SEC63: variants seen among roughly 807,000 people sequenced by gnomAD.
SEC63 encodes the protein translocation protein SEC63 homolog.
SEC63 carries 56 observed loss-of-function variants against 116.2 expected under a neutral mutation model. The ratio of observed to expected loss-of-function variants is 0.48; its 90% CI spans 0.39 to 0.60. The LOEUF (loss-of-function observed/expected upper bound fraction) is 0.60, where lower values mean the gene tolerates loss of function less well. Among genes scored for constraint, SEC63 ranks in the 20% least tolerant of loss-of-function variants. The pLI is 0.00. For synonymous variants in SEC63, 273 were observed against 294.6 expected, an observed-to-expected ratio of 0.93 and a Z score of 0.75; for missense variants, 668 against 900.0, an observed-to-expected ratio of 0.74 and a Z score of 3.30.
At chr6:107,887,844 T>C (rs1221627948) in intron 16 of SEC63, among the ~76,000 whole-genome samples, 1 of 152,228 alleles carries the variant, frequency 6.6e-6, no homozygotes, top group East Asian at 1.9e-4. Flanking sequence ...ATTTATTAAA[T>C]AGGGAATCCT....
chr6:107,953,395 G>T (rs1241040914), intron 1 of SEC63, among the ~76,000 whole-genome samples: 2 of 148,486 alleles, frequency 1.3e-5, no homozygotes, highest in South Asian at 2.2e-4. Flanking sequence ...GGAAGGAGGT[G>T]GGGGGGTCAG....
chr6:107,890,511 A>C (rs1376595862), intron 16 of SEC63, among the ~76,000 whole-genome samples: 1 of 151,528 alleles, frequency 6.6e-6, no homozygotes, highest in African/African-American at 2.4e-5. Context: ...ATGGGTCTTG[A>C]CTCTTTATCC....
chr6:107,909,545 C>T (rs1191933949), intron 7 of SEC63, among the ~76,000 whole-genome samples: 1 of 152,100 alleles, frequency 6.6e-6, no homozygotes, highest in Non-Finnish European at 1.5e-5. Flanking sequence ...AATATTTATA[C>T]TGTCTGAAGC....
At chr6:107,910,555 G>T (rs1416344398) in intron 7 of SEC63, among the ~76,000 whole-genome samples, 1 of 149,348 alleles carries the variant, frequency 6.7e-6, no homozygotes, top group Non-Finnish European at 1.5e-5. Flanking sequence ...ATACATATAT[G>T]CATGTCATAC....
chr6:107,934,157 G>A (rs1030646843), intron 1 of SEC63, among the ~76,000 whole-genome samples: 1 of 152,142 alleles, frequency 6.6e-6, no homozygotes, highest in African/African-American at 2.4e-5. Context: ...TCTGGGAAGT[G>A]AGGAGCGTCT....
chr6:107,934,676 G>C, intron 1 of SEC63, among the ~76,000 whole-genome samples: 2 of 104,142 alleles, frequency 1.9e-5, no homozygotes, highest in East Asian at 2.8e-4. Context: ...AGGTGGGGGG[G>C]TCAGCCCCCT....
At position 107,911,352 on chromosome 6, in the gene SEC63, A is replaced by T; in HGVS notation, c.618T>A (p.Val206=). The change falls in exon 7 of 21, where the codon GTT becomes GTA. Residue 206 remains valine (V), a synonymous_variant. Coordinates refer to ENST00000369002, the MANE Select transcript of SEC63 (RefSeq NM_007214.5). ...TTAAAAAGCTAAAACTTACCACAACAACTGGAAGGATAACCATAAATGCCA... is the reference window on the plus strand; with the variant it reads ...TTAAAAAGCTAAAACTTACCACAACTACTGGAAGGATAACCATAAATGCCA... ...YGLAFMVILP[V]VVGSWWYRSI... 1.9e-6 allele frequency: 3 copies of T among 1,606,382 alleles called. No homozygotes were observed. The highest frequency in any genetic ancestry group is 2.6e-6 in the Non-Finnish European group (3 of 1,173,344).
intron 1 of SEC63, among the ~76,000 whole-genome samples, chr6:107,956,798 T>C (rs1311731068): frequency 1.3e-5 from 2 of 152,186 alleles, no homozygotes; most frequent in Non-Finnish European, 2.9e-5. Flanking sequence ...CTGAGCTGAT[T>C]CAAGGCTTCA....
intron 1 of SEC63, among the ~76,000 whole-genome samples, chr6:107,933,870 G>A (rs867482258): frequency 1.2e-4 from 18 of 152,212 alleles, no homozygotes; most frequent in African/African-American, 3.1e-4. Flanking sequence ...GCAGGCGCGC[G>A]CCGCCACGCC....
Position 107,874,390 on chromosome 6 carries a change from T to C in SEC63, c.2035-1478A>G, listed in dbSNP as rs552738642. Among the ~76,000 whole-genome samples the C allele has an allele frequency of 1.6e-3, 238 of 152,100 alleles. 2 individuals are homozygous for C. Among genetic ancestry groups the C allele is most frequent in the Non-Finnish European group, 9.3e-4 (63 of 67,980 alleles). On this transcript the variant is annotated intron_variant, in intron 19 of 20. Coordinates refer to ENST00000369002, the MANE Select transcript of SEC63 (RefSeq NM_007214.5). ...CGGGCGGATCACAAGGTCAGGAGAT[T>C]GAGACCATCATGGCTAACACAGTGA...
rs749125299 is a variant in SEC63, at chr6:107,876,670, C to CAAAAA, written c.1936-13_1936-9dup. The CAAAAA allele has an allele frequency of 7.8e-3, 5,922 of 758,276 alleles. 71 individuals carry two copies. Among genetic ancestry groups the CAAAAA allele is most frequent in the South Asian group, 0.018 (935 of 50,546 alleles). 47.0% of individuals were successfully genotyped at this position (758,276 alleles called of 1,614,324 possible). Reference sequence around the variant, plus strand: ...CCACCATTCTTGTTTTTCCTGGAAACAAAAAAAAAAAAAAAAAAAGAAGAG... The same window carrying CAAAAA: ...CCACCATTCTTGTTTTTCCTGGAAACAAAAAAAAAAAAAAAAAAAAAAAAGAAGAG... On this transcript the variant is annotated splice_polypyrimidine_tract_variant and intron_variant, in intron 18 of 20. Transcript: ENST00000369002.
At position 107,921,772 on chromosome 6, in the gene SEC63, A is replaced by C. The variant is rs1435692687; in HGVS notation, c.452+25T>G. ...TGGCTTATCTGTACCATTCTTAAAAATTTGTAATGGATCCTGATACTTACG... is the reference window on the plus strand; with the variant it reads ...TGGCTTATCTGTACCATTCTTAAAACTTTGTAATGGATCCTGATACTTACG... On this transcript the variant is annotated intron_variant, in intron 4 of 20. Coordinates refer to ENST00000369002, the MANE Select transcript of SEC63 (RefSeq NM_007214.5). 3 of 1,446,638 alleles carry C rather than the reference A, an allele frequency of 2.1e-6. No homozygotes were observed. In the African/African-American group the frequency reaches 4.2e-5, roughly 20 times the overall value. The allele number at this position is 1,446,638 out of a possible 1,614,324, so 89.6% of individuals were successfully genotyped here. A position where few individuals can be genotyped will look rare whatever the true frequency, so the allele number is the denominator to read the frequency against.
chr6:107,957,878 G>C lies in SEC63; in HGVS notation c.124+8C>G, dbSNP rs1255239250. On this transcript the variant is annotated splice_region_variant and intron_variant, in intron 1 of 20. Transcript: ENST00000369002. ...GCGGGTTCGCGGGCAAAGGCCGGCG[G>C]GACTCACCGGCATTCTGATCTCGGG... The C allele has an allele frequency of 6.2e-7, 1 of 1,609,984 alleles. No homozygotes were observed. Among genetic ancestry groups the C allele is most frequent in the Non-Finnish European group, 8.5e-7 (1 of 1,178,162 alleles).
intron 1 of SEC63, among the ~76,000 whole-genome samples, chr6:107,953,377 C>T (rs886544427): frequency 7.2e-5 from 11 of 152,348 alleles, no homozygotes; most frequent in African/African-American, 2.4e-4. Flanking sequence ...TCAGATTTGC[C>T]CCGTCCGGGA....
chr6:107,871,916 A>G, intron 20 of SEC63, 69 bp from the exon 21 acceptor site: 1 of 1,546,052 alleles, frequency 6.5e-7, no homozygotes, highest in Non-Finnish European at 8.9e-7. Flanking sequence ...CTTGGTAAAC[A>G]AAAGGTTTTC....
chr6:107,900,264 T>C (rs544942597), intron 13 of SEC63, among the ~76,000 whole-genome samples: 11 of 151,890 alleles, frequency 7.2e-5, no homozygotes, highest in Non-Finnish European at 1.6e-4. Context: ...CCTCCCAAAG[T>C]GTTGGGATTA....
chr6:107,913,673 C>A (rs1787336541), intron 4 of SEC63, among the ~76,000 whole-genome samples: 1 of 152,140 alleles, frequency 6.6e-6, no homozygotes, highest in African/African-American at 2.4e-5. Flanking sequence ...CAAGCTTAAC[C>A]AGTTCTCATG....
intron 1 of SEC63, among the ~76,000 whole-genome samples, chr6:107,952,400 A>C (rs566162627): frequency 4.6e-5 from 7 of 152,296 alleles, no homozygotes; most frequent in Admixed American, 1.3e-4. Flanking sequence ...ACGACTGTCA[A>C]CCTTAAAAAT....
intron 1 of SEC63, among the ~76,000 whole-genome samples, chr6:107,940,173 C>T (rs949195810): frequency 2.6e-5 from 4 of 151,170 alleles, no homozygotes; most frequent in African/African-American, 9.8e-5. Flanking sequence ...TGAAAATGTT[C>T]TTGAACTAAA....
Sources: gnomAD v4.1 joint callset for allele counts (sites outside exome capture counted in the v4.1 genomes callset) on GRCh38, gnomAD v4.1.1 for gene constraint, MANE v1.5 for transcripts, NCBI Gene and HGNC (gene_info 2026-07-23, HGNC 2026-07-21) for gene names.